The following ACTR3C variants were observed in gnomAD, a reference collection of about 807,000 sequenced individuals.
ACTR3C encodes the protein actin-related protein 3C.
A neutral mutation model predicts 26.3 loss-of-function variants in ACTR3C; 18 were observed. The observed-to-expected ratio is 0.68, with a 90% confidence interval of 0.47 to 1.01. The LOEUF is 1.01. ACTR3C is among the 50% of genes least tolerant of loss of function. The pLI is 0.00. For missense variants in ACTR3C, 184 were observed against 250.7 expected (o/e 0.73, Z 1.80); for synonymous variants, 55 against 94.5 (o/e 0.58, Z 2.42).
At chr7:150,277,685 C>T (rs1308007888) in intron 6 of ACTR3C, among the ~76,000 whole-genome samples, 1 of 152,076 alleles carries the variant, frequency 6.6e-6, no homozygotes, top group African/African-American at 2.4e-5. Flanking sequence ...CAGCAAGAAC[C>T]CTGAACCTTT....
At chr7:150,205,222 T>C in the ACTR3C span, among the ~76,000 whole-genome samples, 2 of 152,218 alleles carry the variant, frequency 1.3e-5, no homozygotes, top group East Asian at 1.9e-4. Flanking sequence ...TGATTGTTCC[T>C]GGAGTCTAAC....
the ACTR3C span, among the ~76,000 whole-genome samples, chr7:150,078,657 C>T: frequency 3.9e-5 from 6 of 152,042 alleles, no homozygotes; most frequent in African/African-American, 7.2e-5. Flanking sequence ...GCTGAGATAG[C>T]GAATTCTGGA....
At chr7:150,310,776 G>A (rs143824562) in intron 1 of ACTR3C, among the ~76,000 whole-genome samples, 1 of 152,150 alleles carries the variant, frequency 6.6e-6, no homozygotes, top group African/African-American at 2.4e-5. Context: ...CTTTCTGCCC[G>A]TCTGCCTCCC....
chr7:150,186,189 C>A, the ACTR3C span, among the ~76,000 whole-genome samples: 6 of 152,246 alleles, frequency 3.9e-5, no homozygotes, highest in East Asian at 1.2e-3. Context: ...ACTCTCTCTT[C>A]TAAAACAATT....
the ACTR3C span, among the ~76,000 whole-genome samples, chr7:150,010,990 G>A: frequency 6.8e-6 from 1 of 146,694 alleles, no homozygotes. Context: ...CACACCTGCA[G>A]CCTCTATACC....
chr7:150,085,301 A>C, the ACTR3C span, among the ~76,000 whole-genome samples: 1 of 152,194 alleles, frequency 6.6e-6, no homozygotes, highest in African/African-American at 2.4e-5. Context: ...CTCATCCAGG[A>C]ATACAATGCA....
chr7:149,984,884 C>A, the ACTR3C span, among the ~76,000 whole-genome samples: 1 of 152,120 alleles, frequency 6.6e-6, no homozygotes, highest in Non-Finnish European at 1.5e-5. Context: ...CCAGTCTCTG[C>A]CCATTTTGGC....
chr7:150,318,265 C>T (rs973716823), intron 1 of ACTR3C, among the ~76,000 whole-genome samples: 12 of 152,102 alleles, frequency 7.9e-5, no homozygotes, highest in African/African-American at 2.4e-4. Flanking sequence ...CCAAAAGACA[C>T]GAGGGATTTC....
At chr7:150,037,793 C>T in the ACTR3C span, among the ~76,000 whole-genome samples, 14,696 of 40,124 alleles carry the variant, frequency 0.37, 3,357 homozygotes, top group East Asian at 0.55. Context: ...ATGGGGGTCC[C>T]CAGAGCCAGC....
At chr7:150,233,797 T>C in the ACTR3C span, among the ~76,000 whole-genome samples, 7 of 151,988 alleles carry the variant, frequency 4.6e-5, no homozygotes, top group African/African-American at 1.2e-4. Flanking sequence ...TATCTGATAA[T>C]TTCCAAATTT....
chr7:150,010,526 T>C, the ACTR3C span, among the ~76,000 whole-genome samples: 1 of 151,998 alleles, frequency 6.6e-6, no homozygotes, highest in Non-Finnish European at 1.5e-5. Flanking sequence ...AAACCCTGTC[T>C]CTGCTAAAAA....
At chr7:150,283,010 G>A (rs540979851) in intron 6 of ACTR3C, among the ~76,000 whole-genome samples, 2,547 of 144,868 alleles carry the variant, frequency 0.018, 246 homozygotes, top group African/African-American at 0.068. Flanking sequence ...TAACCCAGGC[G>A]CCTTTCGCCA....
the ACTR3C span, among the ~76,000 whole-genome samples, chr7:150,028,530 AGTGTC>A: frequency 1.3e-5 from 2 of 152,424 alleles, no homozygotes; most frequent in Non-Finnish European, 2.9e-5. Context: ...CTAGTCTCCA[AGTGTC>A]CTTCAGACCT....
At chr7:150,198,911 G>T in the ACTR3C span, among the ~76,000 whole-genome samples, 6 of 128,812 alleles carry the variant, frequency 4.7e-5, 1 homozygote, top group African/African-American at 1.9e-4. Context: ...CCAGCCAGCC[G>T]CCCCGTCCGG....
the ACTR3C span, among the ~76,000 whole-genome samples, chr7:149,978,908 G>A: frequency 6.6e-6 from 1 of 152,012 alleles, no homozygotes; most frequent in Non-Finnish European, 1.5e-5. Flanking sequence ...GACTGTTCGG[G>A]AGATCTGTGT....
At chr7:149,886,425 T>C in the ACTR3C span, among the ~76,000 whole-genome samples, 1 of 152,170 alleles carries the variant, frequency 6.6e-6, no homozygotes, top group African/African-American at 2.4e-5. Flanking sequence ...GATACTAGAA[T>C]TGGCATGCTG....
chr7:150,211,472 G>A, the ACTR3C span, among the ~76,000 whole-genome samples: 4 of 151,534 alleles, frequency 2.6e-5, no homozygotes, highest in African/African-American at 7.3e-5. Context: ...GTAGAGATGG[G>A]GTTTCGCCAT....
chr7:150,161,826 C>T, the ACTR3C span, among the ~76,000 whole-genome samples: 2 of 151,994 alleles, frequency 1.3e-5, no homozygotes, highest in Non-Finnish European at 2.9e-5. Flanking sequence ...TTCCTTGGGA[C>T]GTGTGACTTG....
intron 6 of ACTR3C, among the ~76,000 whole-genome samples, chr7:150,255,476 T>C (rs1450811474): frequency 6.6e-6 from 1 of 152,030 alleles, no homozygotes. Context: ...TCAATACACT[T>C]ACCTAGTCAG....
Sources: allele counts gnomAD v4.1 joint callset (sites outside exome capture counted in the v4.1 genomes callset), GRCh38; gene constraint gnomAD v4.1.1; transcripts MANE v1.5; gene names NCBI Gene and HGNC (gene_info 2026-07-23, HGNC 2026-07-21).